Variants in MAPK10 observed in about 807,000 individuals in gnomAD.
MAPK10 encodes JNK3 alpha protein kinase.
Under a neutral mutation model 59.3 loss-of-function variants are expected in MAPK10, and 25 were observed. The observed-to-expected ratio is 0.42, with a 90% CI of 0.31 to 0.59. MAPK10 has a LOEUF of 0.59. Among genes scored for constraint, MAPK10 ranks in the 20% least tolerant of loss-of-function variants. The probability of loss-of-function intolerance (pLI) is 0.15; values close to 1 mark genes in which losing one functional copy is unlikely to be tolerated. For synonymous variants in MAPK10, 190 were observed against 200.5 expected, an observed-to-expected ratio of 0.95 and a Z score of 0.44; for missense variants, 351 against 568.9, an observed-to-expected ratio of 0.62 and a Z score of 3.90.
intron 3 of MAPK10, among the ~76,000 whole-genome samples, chr4:86,169,797 T>C (rs1224962267): frequency 2.6e-5 from 4 of 151,734 alleles, no homozygotes; most frequent in Non-Finnish European, 5.9e-5. Flanking sequence ...GGAAAAAATG[T>C]TAAGGGCAGC....
chr4:86,292,065 C>T (rs1261870055), intron 2 of MAPK10, among the ~76,000 whole-genome samples: 6 of 152,090 alleles, frequency 3.9e-5, no homozygotes. Flanking sequence ...TATAGTATTG[C>T]TGATTCTGAA....
chr4:86,331,909 T>C (rs768899126), intron 2 of MAPK10, among the ~76,000 whole-genome samples: 8 of 152,198 alleles, frequency 5.3e-5, no homozygotes, highest in African/African-American at 9.6e-5. Context: ...ACCAAATTGA[T>C]GCTTTAGCTG....
chr4:86,320,172 A>G (rs1258798337), intron 2 of MAPK10, among the ~76,000 whole-genome samples: 2 of 152,224 alleles, frequency 1.3e-5, no homozygotes, highest in Admixed American at 1.3e-4. Flanking sequence ...GGTTTTTCAC[A>G]TCCGTAAAAT....
At chr4:86,106,510 T>C (rs1479769354) in intron 5 of MAPK10, among the ~76,000 whole-genome samples, 1 of 150,562 alleles carries the variant, frequency 6.6e-6, no homozygotes, top group Non-Finnish European at 1.5e-5. Context: ...ATTAAAATAA[T>C]GAATTATCTC....
intron 1 of MAPK10, among the ~76,000 whole-genome samples, chr4:86,522,089 A>G (rs1030061666): frequency 3.9e-5 from 6 of 152,206 alleles, no homozygotes; most frequent in African/African-American, 1.2e-4. Flanking sequence ...AGCTCTAGGT[A>G]AGGTTAACTC....
At chr4:86,588,870 C>T (rs920536782) in intron 1 of MAPK10, among the ~76,000 whole-genome samples, 5 of 152,040 alleles carry the variant, frequency 3.3e-5, no homozygotes, top group Admixed American at 3.3e-4. Flanking sequence ...TCACTCATAC[C>T]TCCTTCTAGT....
chr4:86,421,970 G>T, intron 1 of MAPK10, among the ~76,000 whole-genome samples: 1 of 152,022 alleles, frequency 6.6e-6, no homozygotes, highest in South Asian at 2.1e-4. Flanking sequence ...CTCCTTTGCC[G>T]CCAGTCTCAA....
intron 13 of MAPK10, among the ~76,000 whole-genome samples, chr4:86,018,914 A>G (rs949372639): frequency 6.6e-6 from 1 of 152,226 alleles, no homozygotes; most frequent in Non-Finnish European, 1.5e-5. Context: ...AAATAAAACT[A>G]AATTAAGGAA....
chr4:86,135,301 A>G (rs1457679194), intron 4 of MAPK10, among the ~76,000 whole-genome samples: 1 of 152,212 alleles, frequency 6.6e-6, no homozygotes, highest in Non-Finnish European at 1.5e-5. Context: ...ACAGCTTTGA[A>G]GAGAGCAGTG....
intron 4 of MAPK10, chr4:86,125,613 G>C (rs532357304): frequency 6.6e-6 from 1 of 151,884 alleles, no homozygotes; most frequent in Non-Finnish European, 1.5e-5. Context: ...CTGCTCTTCC[G>C]GGGTTACTGC....
chr4:86,268,283 T>C (rs2094322138), intron 2 of MAPK10: 1 of 152,226 alleles, frequency 6.6e-6, no homozygotes, highest in Non-Finnish European at 1.5e-5. Context: ...ACCACAAAGA[T>C]ACACACCATC....
intron 1 of MAPK10, among the ~76,000 whole-genome samples, chr4:86,556,716 A>G (rs1288831385): frequency 6.6e-6 from 1 of 152,146 alleles, no homozygotes; most frequent in Non-Finnish European, 1.5e-5. Flanking sequence ...AAATATGTTT[A>G]TTTATTCGTG....
At chr4:86,534,721 C>A (rs1758102555) in intron 1 of MAPK10, among the ~76,000 whole-genome samples, 1 of 152,030 alleles carries the variant, frequency 6.6e-6, no homozygotes, top group Non-Finnish European at 1.5e-5. Flanking sequence ...GCCTGGCCAA[C>A]ATGGTGAAAA....
At chr4:86,367,207 A>C (rs1738038196) in intron 1 of MAPK10, among the ~76,000 whole-genome samples, 1 of 152,156 alleles carries the variant, frequency 6.6e-6, no homozygotes, top group Admixed American at 6.6e-5. Flanking sequence ...AAAGCAAGCA[A>C]AATTAGCAAA....
At chr4:86,305,029 TTTAAAA>T (rs2095541954) in intron 2 of MAPK10, among the ~76,000 whole-genome samples, 2 of 152,146 alleles carry the variant, frequency 1.3e-5, no homozygotes, top group Admixed American at 6.5e-5. Flanking sequence ...CACCAGAGTG[TTTAAAA>T]TTAAAATACT....
chr4:86,491,918 A>G (rs1475465579), intron 1 of MAPK10, among the ~76,000 whole-genome samples: 1 of 152,170 alleles, frequency 6.6e-6, no homozygotes, highest in Non-Finnish European at 1.5e-5. Context: ...TTTCCTCTCC[A>G]GTTTCTAACT....
chr4:86,113,283 C>T (rs551811872), intron 4 of MAPK10, among the ~76,000 whole-genome samples: 2 of 152,170 alleles, frequency 1.3e-5, no homozygotes, highest in East Asian at 3.9e-4. Context: ...ATTTTGCAGG[C>T]TTGTTAATAT....
chr4:86,423,760 G>GATATATATACATATATATATATAT (rs1217638813), intron 1 of MAPK10, among the ~76,000 whole-genome samples: 1 of 117,120 alleles, frequency 8.5e-6, no homozygotes, highest in African/African-American at 3.5e-5. Context: ...TAATTAGTGG[G>GATATATATACATATATATATATAT]ATATATATAC....
At chr4:86,404,567 C>A (rs1430262613) in intron 1 of MAPK10, among the ~76,000 whole-genome samples, 1 of 152,042 alleles carries the variant, frequency 6.6e-6, no homozygotes, top group African/African-American at 2.4e-5. Flanking sequence ...TGTTTATAAC[C>A]CTTATTGTGG....
Sources: allele counts gnomAD v4.1 joint callset (sites outside exome capture counted in the v4.1 genomes callset), GRCh38; gene constraint gnomAD v4.1.1; transcripts MANE v1.5; gene names NCBI Gene and HGNC (gene_info 2026-07-23, HGNC 2026-07-21).